Variants in AGPS observed in about 807,000 individuals in gnomAD.
AGPS encodes the protein alkylglycerone phosphate synthase.
A neutral mutation model predicts 90.7 loss-of-function variants in AGPS; 26 were observed. That is an observed-to-expected ratio of 0.29 (90% confidence interval 0.21 to 0.40). The LOEUF is 0.40. AGPS is among the 10% of genes least tolerant of loss of function. The probability of loss-of-function intolerance (pLI) is 1.00; values close to 1 mark genes in which losing one functional copy is unlikely to be tolerated. For missense variants in AGPS, 540 were observed against 816.1 expected, an observed-to-expected ratio of 0.66 and a Z score of 4.12; for synonymous variants, 294 against 285.3, an observed-to-expected ratio of 1.03 and a Z score of -0.31.
At chr2:177,466,666 C>T (rs191854474) in intron 9 of AGPS, among the ~76,000 whole-genome samples, 87 of 152,376 alleles carry the variant, frequency 5.7e-4, no homozygotes, top group African/African-American at 1.9e-3. Flanking sequence ...GCTGGCATGT[C>T]AGCACTGCCC....
In AGPS at chr2:177,479,968, G is replaced by T. The variant is rs1366904462; in HGVS notation, c.1106-2091G>T. 3.9e-5 allele frequency among the ~76,000 whole-genome samples: 6 copies of T among 152,130 alleles called. No individual in the cohort carries two copies. In the East Asian group the frequency reaches 1.2e-3, roughly 29 times the overall value. ...GGCCAAGGCGGGTAGATCACCTGAG[G>T]TCGGGAGTTCGAGACCAGCCTGACC... On this transcript the variant is annotated intron_variant, in intron 10 of 19. Transcript: ENST00000264167.
intron 11 of AGPS, among the ~76,000 whole-genome samples, chr2:177,491,271 ATT>A (rs11330372): frequency 5.6e-4 from 82 of 146,258 alleles, no homozygotes; most frequent in Non-Finnish European, 4.4e-4. Flanking sequence ...ATCAGTAGGA[ATT>A]TTTTTTTTTT....
chr2:177,405,769 A>G (rs1490796988), intron 1 of AGPS, among the ~76,000 whole-genome samples: 1 of 145,784 alleles, frequency 6.9e-6, no homozygotes, highest in Non-Finnish European at 1.5e-5. Flanking sequence ...ATTAATTTTT[A>G]GTCATTTCTT....
chr2:177,475,281 A>G (rs148418672), intron 10 of AGPS, among the ~76,000 whole-genome samples: 4 of 152,356 alleles, frequency 2.6e-5, no homozygotes, highest in Non-Finnish European at 5.9e-5. Flanking sequence ...TTCGCAAATT[A>G]AAGTGATACT....
At chr2:177,400,194 A>C (rs1456201784) in intron 1 of AGPS, among the ~76,000 whole-genome samples, 1 of 152,212 alleles carries the variant, frequency 6.6e-6, no homozygotes, top group African/African-American at 2.4e-5. Flanking sequence ...GAATGCTCCC[A>C]GGTACTAAAT....
chr2:177,513,180 G>A (rs533601387), intron 16 of AGPS, among the ~76,000 whole-genome samples: 2 of 152,146 alleles, frequency 1.3e-5, no homozygotes, highest in Non-Finnish European at 2.9e-5. Flanking sequence ...CTGTAGTCCT[G>A]CCCTCCTGGG....
intron 13 of AGPS, among the ~76,000 whole-genome samples, chr2:177,498,603 C>G (rs540983084): frequency 5.2e-4 from 78 of 150,778 alleles, no homozygotes; most frequent in African/African-American, 1.8e-3. Flanking sequence ...TCTTCACTCT[C>G]TCTCTCTTAT....
At chr2:177,456,393 T>C (rs1049055524) in intron 8 of AGPS, among the ~76,000 whole-genome samples, 2 of 152,260 alleles carry the variant, frequency 1.3e-5, no homozygotes, top group Non-Finnish European at 2.9e-5. Context: ...TATTGTGGTA[T>C]ACTGCGGTAT....
At chr2:177,490,494 T>C (rs1688221245) in intron 11 of AGPS, among the ~76,000 whole-genome samples, 2 of 152,164 alleles carry the variant, frequency 1.3e-5, no homozygotes, top group Admixed American at 1.3e-4. Flanking sequence ...TTAAAAAAAT[T>C]CTTTAGCTTA....
chr2:177,521,972 T>C (rs892006207), intron 18 of AGPS, among the ~76,000 whole-genome samples: 3 of 152,192 alleles, frequency 2.0e-5, no homozygotes, highest in Non-Finnish European at 4.4e-5. Context: ...ACTCAGGTGT[T>C]CTACTGTTTT....
At chr2:177,515,599 G>A (rs1689002570) in intron 17 of AGPS, among the ~76,000 whole-genome samples, 1 of 151,950 alleles carries the variant, frequency 6.6e-6, no homozygotes, top group South Asian at 2.1e-4. Context: ...TTCTGCCTTA[G>A]GGCACATTCT....
intron 5 of AGPS, among the ~76,000 whole-genome samples, chr2:177,437,601 A>G (rs1686453202): frequency 6.6e-6 from 1 of 152,190 alleles, no homozygotes; most frequent in South Asian, 2.1e-4. Flanking sequence ...AGTAGGTACT[A>G]TATTTATAAA....
At position 177,431,392 on chromosome 2, in the gene AGPS, G is replaced by A. The variant is rs557400725; in HGVS notation, c.351-2935G>A. 8.9e-4 allele frequency among the ~76,000 whole-genome samples: 136 copies of A among 152,260 alleles called. 2 individuals are homozygous for A. In the South Asian group the frequency reaches 0.021, roughly 23 times the overall value. On this transcript the variant is annotated intron_variant, in intron 2 of 19. Coordinates refer to ENST00000264167, the MANE Select transcript of AGPS (RefSeq NM_003659.4). ...TGAGGGTCTGTGTTCGGCTGTGCAC[G>A]TATTGTCTTGATAAACATCTTAAAC...
intron 1 of AGPS, among the ~76,000 whole-genome samples, chr2:177,406,321 A>G (rs896245974): frequency 2.6e-5 from 4 of 152,244 alleles, no homozygotes; most frequent in Non-Finnish European, 5.9e-5. Flanking sequence ...GCTACATTCT[A>G]ACATTGCAAA....
intron 2 of AGPS, among the ~76,000 whole-genome samples, chr2:177,422,193 T>C (rs1685960342): frequency 6.6e-6 from 1 of 152,142 alleles, no homozygotes; most frequent in African/African-American, 2.4e-5. Context: ...ATTTAAAAAA[T>C]TAGAACCTCA....
chr2:177,426,397 C>T (rs148487468), intron 2 of AGPS, among the ~76,000 whole-genome samples: 49 of 152,254 alleles, frequency 3.2e-4, no homozygotes, highest in Admixed American at 1.2e-3. Flanking sequence ...TTTCTCTTGC[C>T]TGGTTGCCCT....
chr2:177,535,444 T>C (rs1050370428), intron 19 of AGPS, among the ~76,000 whole-genome samples: 2 of 81,574 alleles, frequency 2.5e-5, no homozygotes, highest in African/African-American at 6.1e-5. Context: ...GGTCAGCTAA[T>C]TTCTGAATGC....
chr2:177,509,574 G>C (rs1188235013), intron 16 of AGPS, among the ~76,000 whole-genome samples: 2 of 151,746 alleles, frequency 1.3e-5, no homozygotes, highest in Non-Finnish European at 2.9e-5. Context: ...GCTGAGGCAG[G>C]AGAGTGGTGT....
intron 8 of AGPS, among the ~76,000 whole-genome samples, chr2:177,457,516 A>C (rs1191387609): frequency 6.6e-6 from 1 of 152,254 alleles, no homozygotes; most frequent in African/African-American, 2.4e-5. Flanking sequence ...CACTGATCCC[A>C]CAGAAATACA....
Sources: gnomAD v4.1 joint callset for allele counts (sites outside exome capture counted in the v4.1 genomes callset) on GRCh38, gnomAD v4.1.1 for gene constraint, MANE v1.5 for transcripts, NCBI Gene and HGNC (gene_info 2026-07-23, HGNC 2026-07-21) for gene names.